RNF24: variants seen among roughly 807,000 people sequenced by gnomAD.
RNF24 encodes ring finger protein 24.
In RNF24, 14 loss-of-function variants were observed where a neutral mutation model predicts 20.0. The ratio of observed to expected loss-of-function variants is 0.70; its 90% confidence interval spans 0.46 to 1.10. RNF24 has a LOEUF of 1.10. Among genes scored for constraint, RNF24 ranks in the 50% least tolerant of loss-of-function variants. The probability of loss-of-function intolerance (pLI) is 0.00; values close to 1 mark genes in which losing one functional copy is unlikely to be tolerated. For synonymous variants in RNF24, 45 were observed against 61.1 expected, an observed-to-expected ratio of 0.74 and a Z score of 1.23; for missense variants, 124 against 177.6, an observed-to-expected ratio of 0.70 and a Z score of 1.71.
At chr20:3,957,592 A>C (rs1352175976) in intron 2 of RNF24, among the ~76,000 whole-genome samples, 3 of 152,096 alleles carry the variant, frequency 2.0e-5, no homozygotes, top group Non-Finnish European at 4.4e-5. Flanking sequence ...ATGTTTTCCC[A>C]AAACTGAACT....
chr20:3,941,706 G>A (rs747017655), intron 4 of RNF24, among the ~76,000 whole-genome samples: 2 of 152,094 alleles, frequency 1.3e-5, no homozygotes, highest in Non-Finnish European at 2.9e-5. Flanking sequence ...TGGCAGAGTG[G>A]ATAAAGAAAC....
chr20:3,973,096 G>A (rs1411668870), intron 1 of RNF24, among the ~76,000 whole-genome samples: 6 of 151,874 alleles, frequency 4.0e-5, no homozygotes, highest in South Asian at 4.1e-4. Flanking sequence ...CCAGCTACTC[G>A]GGAGGCTGAG....
At chr20:4,010,613 G>A (rs1231549622) in intron 1 of RNF24, among the ~76,000 whole-genome samples, 1 of 152,154 alleles carries the variant, frequency 6.6e-6, no homozygotes, top group Non-Finnish European at 1.5e-5. Context: ...GCACCTGACA[G>A]CCGTCATGTT....
chr20:4,007,839 C>T (rs1374667169), intron 1 of RNF24, among the ~76,000 whole-genome samples: 1 of 151,530 alleles, frequency 6.6e-6, no homozygotes, highest in Non-Finnish European at 1.5e-5. Context: ...TTGTTTGAGC[C>T]CTGGAGGTTA....
At chr20:3,963,806 C>A in intron 2 of RNF24, 69 bp downstream of exon 2, 2 of 1,331,764 alleles carry the variant, frequency 1.5e-6, no homozygotes, top group Non-Finnish European at 2.0e-6. Flanking sequence ...TAAAAAAAAT[C>A]TGAGGACAGA....
intron 1 of RNF24, among the ~76,000 whole-genome samples, chr20:3,998,633 G>C (rs1050943432): frequency 2.8e-5 from 4 of 141,596 alleles, no homozygotes; most frequent in Admixed American, 1.5e-4. Context: ...GCGTGTGCCT[G>C]TAATCCCAGC....
At chr20:3,937,481 G>T (rs1216630761) in intron 4 of RNF24, among the ~76,000 whole-genome samples, 1 of 152,070 alleles carries the variant, frequency 6.6e-6, no homozygotes, top group African/African-American at 2.4e-5. Context: ...TTAAGTAACA[G>T]TACAATTCAG....
intron 1 of RNF24, among the ~76,000 whole-genome samples, chr20:3,978,860 C>T (rs1979128581): frequency 6.6e-6 from 1 of 151,944 alleles, no homozygotes; most frequent in Non-Finnish European, 1.5e-5. Flanking sequence ...AATCCCAGCA[C>T]TTTGGGAGGC....
At chr20:3,948,806 G>A (rs549986108) in intron 2 of RNF24, among the ~76,000 whole-genome samples, 19 of 152,170 alleles carry the variant, frequency 1.2e-4, no homozygotes, top group African/African-American at 3.6e-4. Context: ...TAAATGGATC[G>A]TTTGGTATAT....
chr20:3,964,173 T>G (rs2091233739), intron 1 of RNF24, 149 bp from the exon 2 acceptor site: 2 of 582,012 alleles, frequency 3.4e-6, no homozygotes, highest in Admixed American at 3.6e-5. Flanking sequence ...CATTCATTCA[T>G]TCACCATGCC....
chr20:3,996,304 A>G (rs1980859752), intron 1 of RNF24, among the ~76,000 whole-genome samples: 1 of 152,226 alleles, frequency 6.6e-6, no homozygotes, highest in Non-Finnish European at 1.5e-5. Context: ...CTTTTGGAAG[A>G]TTCTCTGCAC....
chr20:3,975,956 T>A (rs1978833579), intron 1 of RNF24, among the ~76,000 whole-genome samples: 1 of 152,162 alleles, frequency 6.6e-6, no homozygotes, highest in Non-Finnish European at 1.5e-5. Flanking sequence ...TCTGTTCATC[T>A]TTGCATTTTT....
intron 1 of RNF24, among the ~76,000 whole-genome samples, chr20:4,006,014 G>A (rs888253375): frequency 4.0e-4 from 61 of 152,178 alleles, no homozygotes; most frequent in African/African-American, 1.3e-3. Context: ...CTGTCTAATC[G>A]GGAAAACATA....
In RNF24 at chr20:3,931,406, A is replaced by T. The variant is rs1273655691; in HGVS notation, c.*2657T>A. 6.6e-6 allele frequency: 1 copy of T among 152,164 alleles called. No individual in the cohort carries two copies. Among genetic ancestry groups the T allele is most frequent in the South Asian group, 2.1e-4 (1 of 4,826 alleles). The allele number at this position is 152,164 out of a possible 1,614,324, so 9.4% of individuals were successfully genotyped here. On this transcript the variant is annotated 3_prime_UTR_variant, in exon 6 of 6. Coordinates refer to ENST00000358395, the MANE Select transcript of RNF24 (RefSeq NM_001134337.3). Reference sequence around the variant, plus strand: ...AACTCATTCCTTTTTCAAAATAAATAAAAAAAGGACTGTCTTTCAAACAAA... The same window carrying T: ...AACTCATTCCTTTTTCAAAATAAATTAAAAAAGGACTGTCTTTCAAACAAA...
At chr20:3,950,853 T>C (rs2091073303) in intron 2 of RNF24, among the ~76,000 whole-genome samples, 1 of 152,182 alleles carries the variant, frequency 6.6e-6, no homozygotes, top group Non-Finnish European at 1.5e-5. Context: ...CTACAGACCT[T>C]ATTTGAATTT....
chr20:3,992,019 C>T (rs183104382), intron 1 of RNF24, among the ~76,000 whole-genome samples: 1 of 152,186 alleles, frequency 6.6e-6, no homozygotes, highest in East Asian at 1.9e-4. Flanking sequence ...AAAATGTACT[C>T]CTTGAGCGCA....
intron 2 of RNF24, among the ~76,000 whole-genome samples, chr20:3,963,219 G>C (rs1052150238): frequency 2.0e-5 from 3 of 151,684 alleles, no homozygotes; most frequent in Non-Finnish European, 4.4e-5. Context: ...TTGAGACAGA[G>C]TCTCGCTCTG....
intron 1 of RNF24, among the ~76,000 whole-genome samples, chr20:3,990,265 G>A (rs929535353): frequency 2.2e-4 from 34 of 152,152 alleles, no homozygotes; most frequent in African/African-American, 8.2e-4. Flanking sequence ...AAAATCCACA[G>A]AAACTTTCTG....
intron 1 of RNF24, among the ~76,000 whole-genome samples, chr20:3,971,806 A>G (rs1978377966): frequency 6.6e-6 from 1 of 152,234 alleles, no homozygotes; most frequent in African/African-American, 2.4e-5. Flanking sequence ...AACAAAGTTT[A>G]AAATGGCAAG....
Sources: allele counts gnomAD v4.1 joint callset (sites outside exome capture counted in the v4.1 genomes callset), GRCh38; gene constraint gnomAD v4.1.1; transcripts MANE v1.5; gene names NCBI Gene and HGNC (gene_info 2026-07-23, HGNC 2026-07-21).